SEL1L: variants seen among roughly 807,000 people sequenced by gnomAD.
SEL1L encodes the protein protein sel-1 homolog 1.
A neutral mutation model predicts 109.8 loss-of-function variants in SEL1L; 52 were observed. The ratio of observed to expected loss-of-function variants is 0.47; its 90% CI spans 0.38 to 0.60. The LOEUF (loss-of-function observed/expected upper bound fraction) is 0.60, where lower values mean the gene tolerates loss of function less well. Ranked by LOEUF, SEL1L falls within the 20% of genes least tolerant of loss-of-function variation. The pLI, the probability that SEL1L is intolerant of heterozygous loss-of-function variation, is 0.00. For missense variants in SEL1L, 749 were observed against 962.2 expected (o/e 0.78, Z 2.93); for synonymous variants, 373 against 339.6 (o/e 1.10, Z -1.08).
At position 81,500,694 on chromosome 14, in the gene SEL1L, T is replaced by C. The variant is rs1031643613; in HGVS notation, c.778-1032A>G. On this transcript the variant is annotated intron_variant, in intron 6 of 20. Transcript: ENST00000336735. The stretch of plus-strand genomic sequence containing the variant: ...GTACATCAGCATATTTCTCTATATA[T>C]GCAGAAAGGAATACACTATGAAAAC... 1.2e-4 allele frequency among the ~76,000 whole-genome samples: 19 copies of C among 152,266 alleles called. 1 individual carries two copies. The South Asian group carries it at 3.3e-3, about 27-fold the overall frequency.
At chr14:81,494,807 TA>T (rs2140004594) in intron 11 of SEL1L, among the ~76,000 whole-genome samples, 1 of 152,362 alleles carries the variant, frequency 6.6e-6, no homozygotes, top group African/African-American at 2.4e-5. Flanking sequence ...AAATATCTAA[TA>T]CTCCTATTAA....
Position 81,475,227 on chromosome 14 carries a change from T to C in SEL1L, c.*1745A>G, listed in dbSNP as rs1254592151. The C allele has an allele frequency of 6.6e-6, 1 of 152,286 alleles. No individual in the cohort carries two copies. The highest frequency in any genetic ancestry group is 1.5e-5 in the Non-Finnish European group (1 of 68,024). The allele number at this position is 152,286 out of a possible 1,614,324, so 9.4% of individuals were successfully genotyped here. Reference sequence around the variant, plus strand: ...TTACAAGAGTTGCCTAAAGCAACATTACACTTAGGGGGGGTAAGTTTCCTA... The same window carrying C: ...TTACAAGAGTTGCCTAAAGCAACATCACACTTAGGGGGGGTAAGTTTCCTA... On this transcript the variant is annotated 3_prime_UTR_variant, in exon 21 of 21. Coordinates refer to ENST00000336735, the MANE Select transcript of SEL1L (RefSeq NM_005065.6).
At chr14:81,526,998 T>C (rs770975269) in intron 2 of SEL1L, 34 bp from the exon 3 acceptor site, 1 of 1,486,788 alleles carries the variant, frequency 6.7e-7, no homozygotes, top group Non-Finnish European at 9.4e-7. Flanking sequence ...TTATCAACAA[T>C]GCCAAGACTT....
chr14:81,502,652 G>A, intron 6 of SEL1L, 69 bp downstream of exon 6: 5 of 1,462,850 alleles, frequency 3.4e-6, no homozygotes, highest in Non-Finnish European at 4.6e-6. Context: ...TCAGGACATA[G>A]AGAGTAAACT....
chr14:81,510,487 T>C (rs1048879859), intron 3 of SEL1L, among the ~76,000 whole-genome samples: 3 of 111,142 alleles, frequency 2.7e-5, no homozygotes, highest in African/African-American at 1.1e-4. Context: ...TCTCTCTCTC[T>C]CTCTCTCTCT....
intron 3 of SEL1L, among the ~76,000 whole-genome samples, chr14:81,518,081 T>A (rs1201360844): frequency 6.6e-6 from 1 of 151,902 alleles, no homozygotes; most frequent in Non-Finnish European, 1.5e-5. Flanking sequence ...TTACCAGAGA[T>A]GGGGTTTTGC....
In SEL1L at chr14:81,506,204, G is replaced by T; in HGVS notation, c.378C>A (p.Pro126=). The T allele has an allele frequency of 6.2e-7, 1 of 1,612,810 alleles. No homozygotes were observed. Among genetic ancestry groups the T allele is most frequent in the Non-Finnish European group, 8.5e-7 (1 of 1,179,484 alleles). ...TAIEGTAHGE[P]CHFPFLFLDK... is the part of the protein sequence containing the mutation. ...CTAGGAAAAGAAAAGGGAAGTGGCAGGGCTCCCCATGTGCTGTGCCTTCAA... is the reference window on the plus strand; with the variant it reads ...CTAGGAAAAGAAAAGGGAAGTGGCATGGCTCCCCATGTGCTGTGCCTTCAA... The change falls in exon 4 of 21, where the codon CCC becomes CCA. Residue 126 remains proline, a synonymous_variant. Transcript: ENST00000336735.
chr14:81,497,852 A>G, intron 10 of SEL1L, 40 bp downstream of exon 10: 1 of 1,580,902 alleles, frequency 6.3e-7, no homozygotes, highest in Non-Finnish European at 8.6e-7. Flanking sequence ...TAAAATATAC[A>G]ATGCAGTAAA....
At chr14:81,510,207 G>T (rs1459950924) in intron 3 of SEL1L, among the ~76,000 whole-genome samples, 1 of 152,184 alleles carries the variant, frequency 6.6e-6, no homozygotes, top group Non-Finnish European at 1.5e-5. Flanking sequence ...GTGACTAGTG[G>T]AGAAGAGTAG....
In SEL1L at chr14:81,477,110, G is replaced by A. The variant is rs940663492; in HGVS notation, c.2247C>T (p.Thr749=). 6.2e-7 allele frequency: 1 copy of A among 1,614,000 alleles called. No individual in the cohort carries two copies. The highest frequency in any genetic ancestry group is 1.3e-5 in the African/African-American group (1 of 74,890). The change falls in exon 21 of 21, where the codon ACC becomes ACT. Residue 749 remains threonine, a synonymous_variant. Transcript: ENST00000336735. ...LGPEWDLYLM[T]IIALLLGTVI... is the part of the protein sequence containing the mutation. ...CTGTTCCCAACAGCAGCGCAATGAT[G>A]GTCATGAGGTAAAGGTCCCACTCAG... is the stretch of plus-strand genomic sequence containing the variant.
rs1332382650 is a variant in SEL1L at position 81,476,314 on chromosome 14, A to G, written c.*658T>C. On this transcript the variant is annotated 3_prime_UTR_variant, in exon 21 of 21. Transcript: ENST00000336735. ...TAAAGCTCACAAAAAACTCCTTAAC[A>G]AGGCCTTTCATTCTTTGAAGGAGAG... 6.6e-6 allele frequency: 1 copy of G among 152,196 alleles called. No individual in the cohort carries two copies. The highest frequency in any genetic ancestry group is 1.5e-5 in the Non-Finnish European group (1 of 68,054). The allele number at this position is 152,196 out of a possible 1,614,324, so 9.4% of individuals were successfully genotyped here. A position where few individuals can be genotyped will look rare whatever the true frequency, so the allele number is the denominator to read the frequency against.
Position 81,487,544 on chromosome 14 carries a change from A to G in SEL1L, c.1484-6T>C. On this transcript the variant is annotated splice_region_variant and splice_polypyrimidine_tract_variant and intron_variant, in intron 15 of 20. Transcript: ENST00000336735. ...TCTCTTGACTCCAATGCCATCTGTA[A>G]GAAAAAAAAAAATCACACGAGATAA... is the stretch of plus-strand genomic sequence containing the variant. 2 of 1,593,370 alleles carry G rather than the reference A, an allele frequency of 1.3e-6. No individual in the cohort carries two copies. Among genetic ancestry groups the G allele is most frequent in the Non-Finnish European group, 1.7e-6 (2 of 1,175,688 alleles).
intron 10 of SEL1L, 99 bp downstream of exon 10, chr14:81,497,793 T>C: frequency 2.7e-6 from 3 of 1,128,938 alleles, no homozygotes; most frequent in Non-Finnish European, 3.8e-6. Flanking sequence ...CTCAGGGCAA[T>C]GAAAATGTAA....
At chr14:81,517,179 G>A (rs1884733496) in intron 3 of SEL1L, among the ~76,000 whole-genome samples, 1 of 152,180 alleles carries the variant, frequency 6.6e-6, no homozygotes, top group South Asian at 2.1e-4. Flanking sequence ...GCTGCTGTTT[G>A]TTGAGAGCCA....
intron 3 of SEL1L, among the ~76,000 whole-genome samples, chr14:81,516,692 C>G (rs548921124): frequency 6.6e-6 from 1 of 152,272 alleles, no homozygotes; most frequent in South Asian, 2.1e-4. Context: ...TTGGTACATG[C>G]TAGCAGAGGG....
chr14:81,483,370 C>T (rs1471604838), intron 19 of SEL1L, among the ~76,000 whole-genome samples: 1 of 152,152 alleles, frequency 6.6e-6, no homozygotes, highest in Non-Finnish European at 1.5e-5. Flanking sequence ...AGTAATATCT[C>T]ATGAATTTTT....
At chr14:81,513,155 G>A (rs1361170906) in intron 3 of SEL1L, among the ~76,000 whole-genome samples, 2 of 152,164 alleles carry the variant, frequency 1.3e-5, no homozygotes, top group Non-Finnish European at 2.9e-5. Flanking sequence ...GTTTGTAAAC[G>A]CACCAATCAG....
At chr14:81,519,240 G>C (rs1238945104) in intron 3 of SEL1L, among the ~76,000 whole-genome samples, 1 of 152,208 alleles carries the variant, frequency 6.6e-6, no homozygotes, top group Non-Finnish European at 1.5e-5. Flanking sequence ...ACCCTTGAAA[G>C]CTTACATCTG....
At chr14:81,500,046 T>C (rs1409674886) in intron 6 of SEL1L, among the ~76,000 whole-genome samples, 1 of 151,488 alleles carries the variant, frequency 6.6e-6, no homozygotes, top group Non-Finnish European at 1.5e-5. Context: ...GCTGGGACTA[T>C]GTAGAGGCGT....
Sources: gnomAD v4.1 joint callset for allele counts (sites outside exome capture counted in the v4.1 genomes callset) on GRCh38, gnomAD v4.1.1 for gene constraint, MANE v1.5 for transcripts, NCBI Gene and HGNC (gene_info 2026-07-23, HGNC 2026-07-21) for gene names.